Variants in SPTBN1 observed in about 807,000 individuals in gnomAD.
The protein encoded by SPTBN1 is spectrin beta, non-erythrocytic 1, also known as spectrin beta chain, non-erythrocytic 1.
Under a neutral mutation model 266.4 loss-of-function variants are expected in SPTBN1, and 32 were observed. The observed-to-expected ratio is 0.12, with a 90% confidence interval of 0.09 to 0.16. SPTBN1 has a LOEUF of 0.16. Among genes scored for constraint, SPTBN1 ranks in the 10% least tolerant of loss-of-function variants. SPTBN1 has a pLI of 1.00. For missense variants in SPTBN1, 2,296 were observed against 3,067.1 expected, an observed-to-expected ratio of 0.75 and a Z score of 5.94; for synonymous variants, 1,336 against 1,162.2, an observed-to-expected ratio of 1.15 and a Z score of -3.04.
intron 2 of SPTBN1, among the ~76,000 whole-genome samples, chr2:54,574,152 T>C (rs1478429621): frequency 3.3e-5 from 5 of 152,142 alleles, no homozygotes; most frequent in African/African-American, 9.7e-5. Flanking sequence ...TGGACACTTA[T>C]GTACCAGACT....
chr2:54,664,683 C>T lies in SPTBN1; in HGVS notation c.6651C>T (p.Ala2217=), dbSNP rs576667677. 12 of 1,614,048 alleles carry T rather than the reference C, an allele frequency of 7.4e-6. No individual in the cohort carries two copies. The South Asian group carries it at 9.9e-5, about 13-fold the overall frequency. Residue 2217 remains alanine, a synonymous_variant, in exon 33 of 36, where the codon GCC becomes GCT. Coordinates refer to ENST00000356805, the MANE Select transcript of SPTBN1 (RefSeq NM_003128.3). The surrounding 1 kb of genome is among the most constrained non-coding windows in gnomAD (Gnocchi z 5.6). ...AGTGGGAGGCCCACAATAAGAAAGCCTCAAGCAGGTAACAGCAGCAGAGGC... is the reference window on the plus strand; with the variant it reads ...AGTGGGAGGCCCACAATAAGAAAGCTTCAAGCAGGTAACAGCAGCAGAGGC... ...KHEWEAHNKK[A]SSRSWHNVYC... is the part of the protein sequence containing the mutation.
In SPTBN1 at chr2:54,645,962, C is replaced by T. The variant is rs868513069; in HGVS notation, c.4529C>T (p.Ser1510Phe). Residue 1510 changes from serine to phenylalanine, a missense_variant, in exon 22 of 36, where the codon TCC becomes TTC. Ser to Phe is a radical substitution (Grantham distance 155). Around this residue, in one of 12 missense-constraint regions of SPTBN1, gnomAD observed 644 missense variants for 745.3 expected, o/e 0.86. Coordinates refer to ENST00000356805, the MANE Select transcript of SPTBN1 (RefSeq NM_003128.3). The surrounding 1 kb of genome is among the most constrained non-coding windows in gnomAD (Gnocchi z 4.3). Reference protein sequence around the residue: ...WVGERMPLATSTDHGHNLQTV... With the variant: ...WVGERMPLATFTDHGHNLQTV... ...GGAGAGAGGATGCCTTTGGCAACTT[C>T]CACGGATCATGGCCACAACCTCCAG... is the stretch of plus-strand genomic sequence containing the variant. The T allele has an allele frequency of 6.2e-7, 1 of 1,614,186 alleles. No individual in the cohort carries two copies. The highest frequency in any genetic ancestry group is 8.5e-7 in the Non-Finnish European group (1 of 1,180,030).
chr2:54,579,418 T>A (rs1674718404), intron 2 of SPTBN1, among the ~76,000 whole-genome samples: 4 of 147,708 alleles, frequency 2.7e-5, no homozygotes. Context: ...CAGAAGTTTC[T>A]GAAAACACCT....
chr2:54,541,579 C>T (rs1369858752), intron 2 of SPTBN1, among the ~76,000 whole-genome samples: 3 of 152,296 alleles, frequency 2.0e-5, no homozygotes, highest in Admixed American at 2.0e-4. Flanking sequence ...TTTTAACTCC[C>T]TCACATTCAG....
intron 1 of SPTBN1, among the ~76,000 whole-genome samples, chr2:54,463,603 T>C (rs1693480853): frequency 1.3e-5 from 2 of 152,346 alleles, no homozygotes; most frequent in South Asian, 4.1e-4. Context: ...AATGAGAGTA[T>C]CTACCACATA....
chr2:54,630,817 C>G (rs1318671488), intron 15 of SPTBN1, 38 bp from the exon 16 acceptor site: 2 of 1,529,126 alleles, frequency 1.3e-6, no homozygotes, highest in South Asian at 1.3e-5. Flanking sequence ...GGTCAGTCTT[C>G]CCTTTTTCAC....
chr2:54,492,181 G>A (rs914471355), intron 1 of SPTBN1, among the ~76,000 whole-genome samples: 4 of 151,960 alleles, frequency 2.6e-5, no homozygotes. Context: ...TACGGTTTGC[G>A]CTCACATATA....
chr2:54,529,116 G>A (rs1469954126), intron 2 of SPTBN1, among the ~76,000 whole-genome samples: 1 of 152,206 alleles, frequency 6.6e-6, no homozygotes, highest in East Asian at 1.9e-4. Flanking sequence ...AGCACGGGAT[G>A]CTGATTCAGT....
chr2:54,539,850 C>A (rs933223085), intron 2 of SPTBN1, among the ~76,000 whole-genome samples: 1 of 75,824 alleles, frequency 1.3e-5, no homozygotes, highest in Non-Finnish European at 2.4e-5. Context: ...ACTCTGTGTA[C>A]ATTATTGAAA....
At chr2:54,612,641 C>T (rs984100410) in intron 4 of SPTBN1, among the ~76,000 whole-genome samples, 2 of 152,212 alleles carry the variant, frequency 1.3e-5, no homozygotes, top group Non-Finnish European at 2.9e-5. Flanking sequence ...CTGCTCTAAA[C>T]ATCTGGTCTC....
intron 15 of SPTBN1, 29 bp downstream of exon 15, chr2:54,630,058 C>G: frequency 1.2e-6 from 2 of 1,606,930 alleles, no homozygotes; most frequent in Non-Finnish European, 1.7e-6. Context: ...GTGTGCCAGC[C>G]TCCCACGTGT....
At chr2:54,634,490 C>T (rs1678978950) in intron 17 of SPTBN1, among the ~76,000 whole-genome samples, 1 of 152,130 alleles carries the variant, frequency 6.6e-6, no homozygotes, top group African/African-American at 2.4e-5. Flanking sequence ...TTTCCGATGA[C>T]CTGCCATCAG....
In SPTBN1 at chr2:54,552,517, C is replaced by T. The variant is rs912493634; in HGVS notation, c.148+25951C>T. Among the ~76,000 whole-genome samples, 10 of 150,552 alleles carry T rather than the reference C, an allele frequency of 6.6e-5. 1 individual carries two copies. Among genetic ancestry groups the T allele is most frequent in the South Asian group, 4.2e-4 (2 of 4,762 alleles). ...TGTCACCCAGGCTGGAGTGCAGTGG[C>T]GCGATCTCAGCTCACTGCAACCTCA... On this transcript the variant is annotated intron_variant, in intron 2 of 35. Transcript: ENST00000356805.
chr2:54,608,683 TGTGTGTGCATGCGCGCACGA>T (rs969557108), intron 3 of SPTBN1, among the ~76,000 whole-genome samples: 17 of 151,674 alleles, frequency 1.1e-4, no homozygotes, highest in Non-Finnish European at 2.2e-4. Context: ...TTTGTGTGCG[TGTGTGTGCATGCGCGCACGA>T]GTGCGCGCAT....
chr2:54,668,133 C>T (rs1681492126), intron 35 of SPTBN1, among the ~76,000 whole-genome samples: 1 of 152,206 alleles, frequency 6.6e-6, no homozygotes, highest in South Asian at 2.1e-4. Context: ...GTTTGTAGGG[C>T]CACATACTAG....
chr2:54,646,155 A>G lies in SPTBN1; in HGVS notation c.4585-39A>G, dbSNP rs775977534. 3 of 1,592,230 alleles carry G rather than the reference A, an allele frequency of 1.9e-6. No homozygotes were observed. Among genetic ancestry groups the G allele is most frequent in the Non-Finnish European group, 2.6e-6 (3 of 1,167,952 alleles). The stretch of plus-strand genomic sequence containing the variant: ...TTGACATAAGCAGCAGACGGCTGCC[A>G]TTTAGCAAGCCTTTGTGTGTATTTT... On this transcript the variant is annotated intron_variant, in intron 22 of 35. Coordinates refer to ENST00000356805, the MANE Select transcript of SPTBN1 (RefSeq NM_003128.3). This position sits in a 1 kb window ranked among gnomAD's most constrained non-coding sequence, Gnocchi z 4.4.
rs761998002 is a variant in SPTBN1, at chr2:54,616,199, A to C, written c.475-8A>C. ...TCTATTTGTCTAATATTTCTTTGTA[A>C]ATCTTAGATCCAGGATATCAGTGTG... is the stretch of plus-strand genomic sequence containing the variant. On this transcript the variant is annotated splice_polypyrimidine_tract_variant and splice_region_variant and intron_variant, in intron 4 of 35. Transcript: ENST00000356805. 3 of 1,612,346 alleles carry C rather than the reference A, an allele frequency of 1.9e-6. No homozygotes were observed. The highest frequency in any genetic ancestry group is 2.2e-5 in the East Asian group (1 of 44,842).
chr2:54,647,741 C>G (rs1680015830), intron 24 of SPTBN1, among the ~76,000 whole-genome samples: 1 of 152,204 alleles, frequency 6.6e-6, no homozygotes, highest in South Asian at 2.1e-4. Context: ...ATTCAAGAGG[C>G]TGAGGTTGGG....
rs1318039106 is a variant in SPTBN1 at position 54,649,477 on chromosome 2, G to C, written c.5203-138G>C. 2 of 1,351,124 alleles carry C rather than the reference G, an allele frequency of 1.5e-6. No individual in the cohort carries two copies. The highest frequency in any genetic ancestry group is 2.0e-6 in the Non-Finnish European group (2 of 1,009,328). The allele number at this position is 1,351,124 out of a possible 1,614,324, so 83.7% of individuals were successfully genotyped here. ...AGTTGCTAAGAGGTTCTCGAGCTAA[G>C]ATCTATTGTTCTGAAGTCATGAGTA... is the stretch of plus-strand genomic sequence containing the variant. On this transcript the variant is annotated intron_variant, in intron 25 of 35. Transcript: ENST00000356805. This position sits in a 1 kb window ranked among gnomAD's most constrained non-coding sequence, Gnocchi z 6.7.
Sources: gnomAD v4.1 joint callset for allele counts (sites outside exome capture counted in the v4.1 genomes callset) on GRCh38, gnomAD v4.1.1 for gene constraint, gnomAD v4.1.1 regional missense constraint, Gnocchi (gnomAD v3.1) non-coding constraint, MANE v1.5 for transcripts, NCBI Gene and HGNC (gene_info 2026-07-23, HGNC 2026-07-21) for gene names.